The following ERC2 variants were observed in gnomAD, a reference collection of about 807,000 sequenced individuals.
The protein encoded by ERC2 is ERC protein 2.
Under a neutral mutation model 114.8 loss-of-function variants are expected in ERC2, and 42 were observed. That is an observed-to-expected ratio of 0.37 (90% CI 0.29 to 0.47). The LOEUF (loss-of-function observed/expected upper bound fraction) is 0.47. ERC2 is among the 20% of genes least tolerant of loss of function. The pLI, the probability that ERC2 is intolerant of heterozygous loss-of-function variation, is 0.99. For missense variants in ERC2, 939 were observed against 1,150.7 expected, an observed-to-expected ratio of 0.82 and a Z score of 2.66; for synonymous variants, 454 against 425.5, an observed-to-expected ratio of 1.07 and a Z score of -0.82.
intron 6 of ERC2, among the ~76,000 whole-genome samples, chr3:56,095,697 C>G (rs2078025056): frequency 6.6e-6 from 1 of 152,158 alleles, no homozygotes; most frequent in Non-Finnish European, 1.5e-5. Flanking sequence ...GAGGAACTAA[C>G]TCAGTGTAAG....
At chr3:56,382,711 C>T (rs1286982677) in intron 2 of ERC2, among the ~76,000 whole-genome samples, 1 of 152,092 alleles carries the variant, frequency 6.6e-6, no homozygotes, top group African/African-American at 2.4e-5. Context: ...TCTCTGGCCA[C>T]CTTTTTTTCT....
rs750954170 is a variant in ERC2, at chr3:56,139,662, C to T, written c.1320G>A (p.Lys440=). ...KFMKTKIDQL[K]QELSKKESEL... is the part of the protein sequence containing the mutation. Reference sequence around the variant, plus strand: ...CCGACTCTTTCTTTGAAAGTTCCTGCTTCAGCTGATCAATCTGCAAAACAA... The same window carrying T: ...CCGACTCTTTCTTTGAAAGTTCCTGTTTCAGCTGATCAATCTGCAAAACAA... Residue 440 remains lysine, a synonymous_variant, in exon 6 of 18, where the codon AAG becomes AAA. Transcript: ENST00000288221. 3.7e-6 allele frequency: 6 copies of T among 1,602,368 alleles called. No homozygotes were observed. The highest frequency in any genetic ancestry group is 5.1e-6 in the Non-Finnish European group (6 of 1,173,696).
intron 14 of ERC2, among the ~76,000 whole-genome samples, chr3:55,829,222 T>C (rs1265948774): frequency 6.6e-6 from 1 of 152,166 alleles, no homozygotes; most frequent in Non-Finnish European, 1.5e-5. Flanking sequence ...AACCCCAAGA[T>C]TACTCAGATA....
At chr3:55,961,575 T>C (rs2068366706) in intron 12 of ERC2, among the ~76,000 whole-genome samples, 1 of 152,134 alleles carries the variant, frequency 6.6e-6, no homozygotes, top group Non-Finnish European at 1.5e-5. Context: ...TCTAGCACAA[T>C]GCCTAGTCCA....
chr3:56,083,512 G>T (rs1255036894), intron 6 of ERC2, among the ~76,000 whole-genome samples: 2 of 152,000 alleles, frequency 1.3e-5, no homozygotes, highest in Non-Finnish European at 2.9e-5. Flanking sequence ...TCATTGAACT[G>T]TACATTTTAA....
At chr3:56,079,556 C>T (rs77252104) in intron 7 of ERC2, among the ~76,000 whole-genome samples, 151 of 152,210 alleles carry the variant, frequency 9.9e-4, no homozygotes, top group Non-Finnish European at 1.7e-3. Context: ...GTGTCCTGGG[C>T]CTTCCACTGT....
chr3:55,646,761 G>A (rs1038195193), intron 17 of ERC2, among the ~76,000 whole-genome samples: 13 of 151,928 alleles, frequency 8.6e-5, no homozygotes, highest in Non-Finnish European at 1.8e-4. Context: ...AACAGTGCCC[G>A]GAATAGACTA....
intron 17 of ERC2, among the ~76,000 whole-genome samples, chr3:55,632,406 T>C (rs1169177783): frequency 2.0e-5 from 3 of 152,196 alleles, no homozygotes; most frequent in Admixed American, 6.5e-5. Flanking sequence ...TATTTTTTTT[T>C]CCAGGAATCT....
intron 7 of ERC2, among the ~76,000 whole-genome samples, chr3:56,055,137 G>A (rs186953421): frequency 2.1e-4 from 32 of 152,274 alleles, no homozygotes; most frequent in African/African-American, 6.7e-4. Flanking sequence ...CCTGGGCCCC[G>A]TTAATCAACA....
Position 56,012,823 on chromosome 3 carries a change from A to G in ERC2, c.1780-2234T>C, listed in dbSNP as rs147935294. ...TCAAAAACATGTGTTAAAAGGCCCT[A>G]ATATACCATGATGTACTTGATTAAA... On this transcript the variant is annotated intron_variant, in intron 8 of 17. Transcript: ENST00000288221. Among the ~76,000 whole-genome samples the G allele has an allele frequency of 1.1e-4, 16 of 152,356 alleles. No individual in the cohort carries two copies. The East Asian group carries it at 2.9e-3, about 28-fold the overall frequency.
intron 17 of ERC2, among the ~76,000 whole-genome samples, chr3:55,513,107 C>G (rs1482601852): frequency 6.6e-6 from 1 of 152,240 alleles, no homozygotes; most frequent in Non-Finnish European, 1.5e-5. Flanking sequence ...CTCCAGCTTC[C>G]TCTTACAGCA....
In ERC2 at chr3:56,033,068, GAAAGAAAGAA is replaced by G. The variant is rs1330276021; in HGVS notation, c.1642-14047_1642-14038del. Among the ~76,000 whole-genome samples the G allele has an allele frequency of 1.9e-5, 2 of 107,914 alleles. 1 individual carries two copies. Among genetic ancestry groups the G allele is most frequent in the African/African-American group, 5.6e-5 (2 of 35,634 alleles). 70.8% of individuals were successfully genotyped at this position (107,914 alleles called of 152,430 possible). ...AGAAAGAAAGAAAGAAAGAAAGAAA[GAAAGAAAGAA>G]AGAAAGAAAAGTAAAGTAAAGTAAA... On this transcript the variant is annotated intron_variant, in intron 7 of 17. Coordinates refer to ENST00000288221, the MANE Select transcript of ERC2 (RefSeq NM_015576.3).
At position 56,080,987 on chromosome 3, in the gene ERC2, G is replaced by A. The variant is rs1237520582; in HGVS notation, c.1474-3C>T. ...AGTCGTAATCTCAGCGCATCTACCT[G>A]AAATCAGGAAAAAGACAGAAGGTTG... On this transcript the variant is annotated splice_region_variant and splice_polypyrimidine_tract_variant and intron_variant, in intron 6 of 17. Coordinates refer to ENST00000288221, the MANE Select transcript of ERC2 (RefSeq NM_015576.3). 1 of 1,609,610 alleles carries A rather than the reference G, an allele frequency of 6.2e-7. No individual in the cohort carries two copies. Among genetic ancestry groups the A allele is most frequent in the Non-Finnish European group, 8.5e-7 (1 of 1,178,394 alleles).
chr3:56,436,263 A>G (rs2062013931), intron 1 of ERC2, among the ~76,000 whole-genome samples: 1 of 152,212 alleles, frequency 6.6e-6, no homozygotes, highest in African/African-American at 2.4e-5. Context: ...ACTTGTTATG[A>G]GCTTCCACTC....
chr3:56,373,734 AATGAGT>A (rs1454996092), intron 2 of ERC2, among the ~76,000 whole-genome samples: 8 of 152,264 alleles, frequency 5.3e-5, no homozygotes, highest in Non-Finnish European at 1.2e-4. Context: ...CAATAAAATG[AATGAGT>A]ATGACTACTG....
intron 2 of ERC2, among the ~76,000 whole-genome samples, chr3:56,420,439 A>G (rs2061342300): frequency 6.6e-6 from 1 of 151,982 alleles, no homozygotes; most frequent in Admixed American, 6.6e-5. Context: ...CTGTCTCACA[A>G]AGTGCTAGGA....
At chr3:56,122,159 T>C (rs1462934770) in intron 6 of ERC2, among the ~76,000 whole-genome samples, 1 of 152,146 alleles carries the variant, frequency 6.6e-6, no homozygotes, top group African/African-American at 2.4e-5. Flanking sequence ...GTATGTGGAG[T>C]AATGAGTAGC....
At chr3:55,790,110 T>C (rs1402794631) in intron 14 of ERC2, among the ~76,000 whole-genome samples, 3 of 152,224 alleles carry the variant, frequency 2.0e-5, no homozygotes, top group African/African-American at 4.8e-5. Context: ...CTTTTCATGA[T>C]TCTTTATTCC....
chr3:56,249,653 C>T (rs908640842), intron 3 of ERC2, among the ~76,000 whole-genome samples: 1 of 151,788 alleles, frequency 6.6e-6, no homozygotes, highest in Non-Finnish European at 1.5e-5. Flanking sequence ...CTTTCTAACC[C>T]TCAGTTTCTT....
Sources: gnomAD v4.1 joint callset for allele counts (sites outside exome capture counted in the v4.1 genomes callset) on GRCh38, gnomAD v4.1.1 for gene constraint, MANE v1.5 for transcripts, NCBI Gene and HGNC (gene_info 2026-07-23, HGNC 2026-07-21) for gene names.